DHX34: variants seen among roughly 807,000 people sequenced by gnomAD.
DHX34 encodes DExH-box helicase 34.
A neutral mutation model predicts 111.1 loss-of-function variants in DHX34; 96 were observed. That is an observed-to-expected ratio of 0.86 (90% CI 0.73 to 1.02). The LOEUF is 1.02. Ranked by LOEUF, DHX34 falls within the 50% of genes least tolerant of loss-of-function variation. The probability of loss-of-function intolerance (pLI) is 0.00; values close to 1 mark genes in which losing one functional copy is unlikely to be tolerated. For synonymous variants in DHX34, 688 were observed against 670.4 expected (o/e 1.03, Z -0.41); for missense variants, 1,560 against 1,579.9 (o/e 0.99, Z 0.21).
chr19:47,372,401 G>C (rs748720724), intron 7 of DHX34, among the ~76,000 whole-genome samples: 2 of 152,108 alleles, frequency 1.3e-5, no homozygotes, highest in Non-Finnish European at 2.9e-5. Context: ...GCATCAGAGC[G>C]CTGGGGGAGT....
chr19:47,362,160 G>A (rs1052612968), intron 5 of DHX34, among the ~76,000 whole-genome samples: 3 of 151,188 alleles, frequency 2.0e-5, no homozygotes, highest in Non-Finnish European at 4.4e-5. Flanking sequence ...CCAGCTACTC[G>A]GGAGGCTGAG....
intron 1 of DHX34, among the ~76,000 whole-genome samples, chr19:47,350,042 AGTGT>A (rs1316312963): frequency 6.6e-6 from 1 of 152,024 alleles, no homozygotes. Flanking sequence ...TCGTGAGAAA[AGTGT>A]GTGTGTGTAT....
At chr19:47,377,493 A>C (rs1045341918) in intron 13 of DHX34, among the ~76,000 whole-genome samples, 1 of 130,558 alleles carries the variant, frequency 7.7e-6, no homozygotes, top group African/African-American at 3.4e-5. Flanking sequence ...CTCTAGTGGC[A>C]GGGGACAGTG....
intron 11 of DHX34, 113 bp downstream of exon 11, chr19:47,376,210 T>C (rs531651376): frequency 6.9e-7 from 1 of 1,457,076 alleles, no homozygotes; most frequent in East Asian, 2.4e-5. Flanking sequence ...TCTGTCCCCA[T>C]GGGGCTCACA....
At chr19:47,373,861 C>T (rs1396057287) in intron 9 of DHX34, among the ~76,000 whole-genome samples, 161 bp downstream of exon 9, 1 of 152,140 alleles carries the variant, frequency 6.6e-6, no homozygotes, top group Non-Finnish European at 1.5e-5. Flanking sequence ...GGCAGCTGGG[C>T]AGAGCAAAGG....
chr19:47,361,930 G>A (rs532275915), intron 5 of DHX34, among the ~76,000 whole-genome samples: 5 of 152,240 alleles, frequency 3.3e-5, no homozygotes, highest in Admixed American at 2.6e-4. Flanking sequence ...TGCTTAATAA[G>A]TATTTATTGG....
At chr19:47,372,190 C>G (rs1430528434) in intron 7 of DHX34, among the ~76,000 whole-genome samples, 3 of 151,884 alleles carry the variant, frequency 2.0e-5, no homozygotes, top group Admixed American at 6.6e-5. Context: ...CTTCTGTCCC[C>G]TCTTCCTCTT....
rs3833215 is a variant in DHX34, at chr19:47,382,284, C to CTGT, written c.*173_*175dup. The CTGT allele has an allele frequency of 0.063, 75,731 of 1,201,418 alleles. 3,138 individuals are homozygous for CTGT. The highest frequency in any genetic ancestry group is 0.18 in the African/African-American group (11,944 of 64,872). 74.4% of individuals were successfully genotyped at this position (1,201,418 alleles called of 1,614,324 possible). A position where few individuals can be genotyped will look rare whatever the true frequency, so the allele number is the denominator to read the frequency against. On this transcript the variant is annotated 3_prime_UTR_variant, in exon 17 of 17. Coordinates refer to ENST00000328771, the MANE Select transcript of DHX34 (RefSeq NM_014681.6). Reference sequence around the variant, plus strand: ...ATAAAGCCTCACATGCTGATACACACTGTTAGGCCTGCACCTGCCCATCCA... The same window carrying CTGT: ...ATAAAGCCTCACATGCTGATACACACTGTTGTTAGGCCTGCACCTGCCCATCCA...
chr19:47,370,386 C>T (rs539873759), intron 7 of DHX34, among the ~76,000 whole-genome samples: 2 of 152,302 alleles, frequency 1.3e-5, no homozygotes, highest in South Asian at 4.1e-4. Context: ...CCCTCTCTTG[C>T]GGGCTCAAGG....
rs767518053 is a variant in DHX34, at chr19:47,380,917, C to T, written c.3084C>T (p.Gly1028=). The change falls in exon 15 of 17, where the codon GGC becomes GGT. Residue 1028 remains glycine, a synonymous_variant. Transcript: ENST00000328771. ...PATPHLPGLF[G]SSTLSPHPTK... ...CCCCCCATCTTCCTGGCCTCTTTGG[C>T]AGCTCCACCCTGTCCCCCCACCCCA... 1 of 1,612,602 alleles carries T rather than the reference C, an allele frequency of 6.2e-7. No homozygotes were observed. The highest frequency in any genetic ancestry group is 1.1e-5 in the South Asian group (1 of 90,936).
At position 47,362,631 on chromosome 19, in the gene DHX34, G is replaced by T. The variant is rs1225079898; in HGVS notation, c.1531G>T (p.Ala511Ser). Residue 511 changes from alanine (A) to serine (S), a missense_variant, in exon 6 of 17, where the codon GCC becomes TCC. Coordinates refer to ENST00000328771, the MANE Select transcript of DHX34 (RefSeq NM_014681.6). ...CCTCTATGCCGAATCGGACTATGAT[G>T]CCTTCGCCCCCTACCCCGTCCCAGA... The part of the protein sequence containing the change: ...FRLYAESDYD[A>S]FAPYPVPEIR... 1 of 1,613,696 alleles carries T rather than the reference G, an allele frequency of 6.2e-7. No individual in the cohort carries two copies. Among genetic ancestry groups the T allele is most frequent in the African/African-American group, 1.3e-5 (1 of 74,932 alleles).
In DHX34 at chr19:47,353,586, G is replaced by C; in HGVS notation, c.556G>C (p.Asp186His). 1 of 1,613,120 alleles carries C rather than the reference G, an allele frequency of 6.2e-7. No homozygotes were observed. Among genetic ancestry groups the C allele is most frequent in the African/African-American group, 1.3e-5 (1 of 75,074 alleles). ...KEHQVVVVAG[D>H]TGCGKSTQVP... Reference sequence around the variant, plus strand: ...GCACCAGGTGGTGGTAGTGGCCGGTGACACCGGCTGTGGCAAGTCCACTCA... The same window carrying C: ...GCACCAGGTGGTGGTAGTGGCCGGTCACACCGGCTGTGGCAAGTCCACTCA... The change falls in exon 2 of 17, where the codon GAC (aspartate) becomes CAC (histidine). Residue 186 changes from aspartate to histidine, a missense_variant. Asp to His is a moderately conservative substitution (Grantham distance 81). Coordinates refer to ENST00000328771, the MANE Select transcript of DHX34 (RefSeq NM_014681.6). The surrounding 1 kb of genome is among the most constrained non-coding windows in gnomAD (Gnocchi z 4.6).
In DHX34 at chr19:47,382,384, G is replaced by T; in HGVS notation, c.*271G>T. 2.0e-6 allele frequency: 1 copy of T among 489,254 alleles called. No homozygotes were observed. The highest frequency in any genetic ancestry group is 3.5e-6 in the Non-Finnish European group (1 of 289,012). 30.3% of individuals were successfully genotyped at this position (489,254 alleles called of 1,614,324 possible). Reference sequence around the variant, plus strand: ...TTCCTGCTGCAGGGTGCTGCCTGAGGGGTCCTGGGTAGGAGGGGCGTTAGA... The same window carrying T: ...TTCCTGCTGCAGGGTGCTGCCTGAGTGGTCCTGGGTAGGAGGGGCGTTAGA... On this transcript the variant is annotated 3_prime_UTR_variant, in exon 17 of 17. Transcript: ENST00000328771.
chr19:47,372,270 G>T (rs1342573453), intron 7 of DHX34, among the ~76,000 whole-genome samples: 3 of 151,994 alleles, frequency 2.0e-5, no homozygotes, highest in Admixed American at 6.6e-5. Context: ...AGGAGTCAGT[G>T]CCTGCCTGTG....
At chr19:47,349,608 T>G (rs1969223095) in intron 1 of DHX34, among the ~76,000 whole-genome samples, 1 of 151,922 alleles carries the variant, frequency 6.6e-6, no homozygotes, top group Admixed American at 6.6e-5. Flanking sequence ...ACTGAGGGAC[T>G]GAAAGACGAG....
rs2950237 is a variant in DHX34 at position 47,382,156 on chromosome 19, C to T, written c.*43C>T. ...GCCCACCTCCGTGCAGCTGACCTGC[C>T]CTCCAGCCCAGGACTAGGGGCAGGA... is the stretch of plus-strand genomic sequence containing the variant. On this transcript the variant is annotated 3_prime_UTR_variant, in exon 17 of 17. Coordinates refer to ENST00000328771, the MANE Select transcript of DHX34 (RefSeq NM_014681.6). 0.012 allele frequency: 18,584 copies of T among 1,609,166 alleles called. 130 individuals are homozygous for T. Among genetic ancestry groups the T allele is most frequent in the Middle Eastern group, 0.022 (130 of 5,986 alleles).
At chr19:47,357,603 C>T (rs1183655665) in intron 3 of DHX34, 2 of 352,634 alleles carry the variant, frequency 5.7e-6, no homozygotes, top group African/African-American at 4.5e-5. Context: ...GGACAGCCCC[C>T]ACGACAAGGA....
At chr19:47,351,079 A>G (rs925400044) in intron 1 of DHX34, among the ~76,000 whole-genome samples, 1 of 151,936 alleles carries the variant, frequency 6.6e-6, no homozygotes, top group Non-Finnish European at 1.5e-5. Flanking sequence ...GCCAAAAAAG[A>G]TAGATACCTT....
rs1432204444 is a variant in DHX34, at chr19:47,380,958, C to T, written c.3125C>T (p.Ala1042Val). ...LSPHPTKGGYAVTDFLTYNCL... is the reference protein window; with the variant it reads ...LSPHPTKGGYVVTDFLTYNCL... ...CCCCACCCCACAAAGGGGGGCTACG[C>T]AGTCACTGACTTCCTCACCTACAAC... The change falls in exon 15 of 17, where the codon GCA becomes GTA. Residue 1042 changes from alanine to valine, a missense_variant. Transcript: ENST00000328771. 1 of 1,597,048 alleles carries T rather than the reference C, an allele frequency of 6.3e-7. No individual in the cohort carries two copies. Among genetic ancestry groups the T allele is most frequent in the African/African-American group, 1.3e-5 (1 of 74,376 alleles).
Sources: gnomAD v4.1 joint callset for allele counts (sites outside exome capture counted in the v4.1 genomes callset) on GRCh38, gnomAD v4.1.1 for gene constraint, Gnocchi (gnomAD v3.1) non-coding constraint, MANE v1.5 for transcripts, NCBI Gene and HGNC (gene_info 2026-07-23, HGNC 2026-07-21) for gene names.